Variants in UBA6 observed in about 807,000 individuals in gnomAD.
UBA6 encodes ubiquitin-like modifier-activating enzyme 6.
A neutral mutation model predicts 148.3 loss-of-function variants in UBA6; 87 were observed. That is an observed-to-expected ratio of 0.59 (90% CI 0.49 to 0.70). The LOEUF (loss-of-function observed/expected upper bound fraction) is 0.70, where lower values mean the gene tolerates loss of function less well. Among genes scored for constraint, UBA6 ranks in the 30% least tolerant of loss-of-function variants. The pLI, the probability that UBA6 is intolerant of heterozygous loss-of-function variation, is 0.00. For missense variants in UBA6, 1,186 were observed against 1,241.2 expected (o/e 0.96, Z 0.67); for synonymous variants, 376 against 401.0 (o/e 0.94, Z 0.75).
intron 6 of UBA6, 33 bp downstream of exon 6, chr4:67,677,578 T>C: frequency 8.7e-7 from 1 of 1,149,448 alleles, no homozygotes. Context: ...CTGGAACCTG[T>C]CAATAACATT....
In UBA6 at chr4:67,626,368, G is replaced by C. The variant is rs1158134063; in HGVS notation, c.2510C>G (p.Ala837Gly). 1 of 1,602,464 alleles carries C rather than the reference G, an allele frequency of 6.2e-7. No homozygotes were observed. Residue 837 changes from alanine to glycine, a missense_variant, in exon 28 of 33, where the codon GCC becomes GGC. Transcript: ENST00000322244. ...QLEKAILSNE[A>G]TKSDLQMAVL... ...TAAAGATTTTCCCTTACTTTTGGTGGCTTCATTAGATAAAATAGCCTTTTC... is the reference window on the plus strand; with the variant it reads ...TAAAGATTTTCCCTTACTTTTGGTGCCTTCATTAGATAAAATAGCCTTTTC...
chr4:67,659,404 T>C (rs72642371), intron 13 of UBA6, among the ~76,000 whole-genome samples: 17,002 of 152,034 alleles, frequency 0.11, 1,198 homozygotes, highest in South Asian at 0.21. Flanking sequence ...GCTGTTCTGA[T>C]GATAGTGAGT....
intron 2 of UBA6, among the ~76,000 whole-genome samples, chr4:67,694,200 A>G (rs1327979553): frequency 7.9e-6 from 1 of 125,926 alleles, no homozygotes; most frequent in African/African-American, 2.9e-5. Context: ...TGGATGACAG[A>G]GCAAGACTCC....
intron 32 of UBA6, among the ~76,000 whole-genome samples, chr4:67,619,589 T>C (rs1728706111): frequency 6.6e-6 from 1 of 152,170 alleles, no homozygotes; most frequent in Admixed American, 6.5e-5. Context: ...GGCAAGAGAA[T>C]TGCTTGAACC....
intron 8 of UBA6, 109 bp downstream of exon 8, chr4:67,670,360 TA>T: frequency 1.1e-6 from 1 of 890,740 alleles, no homozygotes. Flanking sequence ...TAAAACACTG[TA>T]AAATAAATTT....
chr4:67,657,734 C>T (rs532976383), intron 13 of UBA6, among the ~76,000 whole-genome samples: 237 of 147,620 alleles, frequency 1.6e-3, no homozygotes, highest in African/African-American at 5.5e-3. Context: ...TCAGAGTGAA[C>T]AGCAACCTAC....
intron 6 of UBA6, among the ~76,000 whole-genome samples, chr4:67,676,276 G>C (rs760111233): frequency 2.0e-5 from 3 of 151,990 alleles, no homozygotes; most frequent in Non-Finnish European, 4.4e-5. Context: ...CGCCCACCTC[G>C]GCCTCCCAAA....
chr4:67,665,065 A>C (rs977682359), intron 10 of UBA6, 124 bp downstream of exon 10: 1 of 562,952 alleles, frequency 1.8e-6, no homozygotes, highest in Non-Finnish European at 3.1e-6. Flanking sequence ...CAAACAAAAA[A>C]ATAAAAATAA....
intron 32 of UBA6, among the ~76,000 whole-genome samples, chr4:67,620,799 T>C (rs957547787): frequency 6.6e-6 from 1 of 152,212 alleles, no homozygotes; most frequent in African/African-American, 2.4e-5. Flanking sequence ...ATGGGCACAG[T>C]CATCCCTATT....
chr4:67,675,932 A>C (rs1730268183), intron 6 of UBA6, among the ~76,000 whole-genome samples: 1 of 151,430 alleles, frequency 6.6e-6, no homozygotes, highest in Admixed American at 6.6e-5. Flanking sequence ...CCTGTAACTT[A>C]GTTGAGGGTA....
chr4:67,687,267 C>T (rs1358090991), intron 2 of UBA6, among the ~76,000 whole-genome samples: 8 of 152,094 alleles, frequency 5.3e-5, no homozygotes, highest in South Asian at 2.1e-4. Flanking sequence ...AACTCCTGAC[C>T]TTGTCATCCG....
chr4:67,685,745 G>C (rs1216120105), intron 2 of UBA6, among the ~76,000 whole-genome samples: 1 of 152,058 alleles, frequency 6.6e-6, no homozygotes, highest in Non-Finnish European at 1.5e-5. Flanking sequence ...TATTGTGGGA[G>C]TGGGTTATAT....
At chr4:67,662,500 T>G (rs1056308890) in intron 12 of UBA6, 3 of 364,000 alleles carry the variant, frequency 8.2e-6, no homozygotes, top group African/African-American at 6.3e-5. Flanking sequence ...ACAGTCTCAC[T>G]GTCACCCAGG....
intron 2 of UBA6, among the ~76,000 whole-genome samples, chr4:67,685,448 T>C (rs1730534114): frequency 6.6e-6 from 1 of 152,206 alleles, no homozygotes; most frequent in African/African-American, 2.4e-5. Context: ...GGATGAATCA[T>C]ACCCAATTTA....
chr4:67,671,368 A>AT (rs1730144423), intron 7 of UBA6, among the ~76,000 whole-genome samples: 1 of 152,082 alleles, frequency 6.6e-6, no homozygotes, highest in Non-Finnish European at 1.5e-5. Flanking sequence ...TGAAGTAGTG[A>AT]TATGGATAAC....
chr4:67,695,209 T>C (rs1438081942), intron 2 of UBA6, among the ~76,000 whole-genome samples: 1 of 152,174 alleles, frequency 6.6e-6, no homozygotes, highest in Non-Finnish European at 1.5e-5. Context: ...ATTAAGAATA[T>C]AATTATAGAT....
chr4:67,634,564 C>T, intron 20 of UBA6, 46 bp from the exon 21 acceptor site: 1 of 1,353,990 alleles, frequency 7.4e-7, no homozygotes, highest in Non-Finnish European at 1.0e-6. Context: ...GAAGCAATGA[C>T]CAATTTTTAT....
At chr4:67,700,878 C>T (rs1730964001) in intron 1 of UBA6, among the ~76,000 whole-genome samples, 171 bp downstream of exon 1, 1 of 152,240 alleles carries the variant, frequency 6.6e-6, no homozygotes, top group Non-Finnish European at 1.5e-5. Flanking sequence ...AGCAGAGGCC[C>T]TAGCCCACGT....
chr4:67,636,594 G>A (rs1729148123), intron 19 of UBA6, among the ~76,000 whole-genome samples: 1 of 152,218 alleles, frequency 6.6e-6, no homozygotes, highest in Admixed American at 6.5e-5. Context: ...GGGTTTTGCA[G>A]TGTTGGCCGG....
Sources: gnomAD v4.1 joint callset for allele counts (sites outside exome capture counted in the v4.1 genomes callset) on GRCh38, gnomAD v4.1.1 for gene constraint, MANE v1.5 for transcripts, NCBI Gene and HGNC (gene_info 2026-07-23, HGNC 2026-07-21) for gene names.